The following VPS13C variants were observed in gnomAD, a reference collection of about 807,000 sequenced individuals.
VPS13C encodes the protein intermembrane lipid transfer protein VPS13C.
In VPS13C, 358 loss-of-function variants were observed where a neutral mutation model predicts 456.8. The ratio of observed to expected loss-of-function variants is 0.78; its 90% confidence interval spans 0.72 to 0.86. The LOEUF (loss-of-function observed/expected upper bound fraction) is 0.86, where lower values mean the gene tolerates loss of function less well. Among genes scored for constraint, VPS13C ranks in the 40% least tolerant of loss-of-function variants. The pLI is 0.00. For missense variants in VPS13C, 4,818 were observed against 4,385.4 expected (o/e 1.10, Z -2.79); for synonymous variants, 1,578 against 1,486.7 (o/e 1.06, Z -1.41).
chr15:61,916,715 G>C (rs1252553159), intron 60 of VPS13C, among the ~76,000 whole-genome samples: 1 of 151,832 alleles, frequency 6.6e-6, no homozygotes, highest in East Asian at 1.9e-4. Context: ...CTGCCATACA[G>C]AAATTTTAAA....
intron 77 of VPS13C, 131 bp downstream of exon 77, chr15:61,874,745 T>G: frequency 1.3e-6 from 1 of 744,222 alleles, no homozygotes; most frequent in Non-Finnish European, 2.0e-6. Flanking sequence ...ATGGGAAACA[T>G]GTCTTTTAAA....
chr15:61,931,074 C>G lies in VPS13C; in HGVS notation c.6038+16G>C, dbSNP rs9788670. 6.2e-7 allele frequency: 1 copy of G among 1,612,650 alleles called. No homozygotes were observed. The highest frequency in any genetic ancestry group is 1.3e-5 in the African/African-American group (1 of 74,836). ...TCAACCTTAAATAATGTATTGCAAACTCAGAGCTGACAAACCTCGATGTTG... is the reference window on the plus strand; with the variant it reads ...TCAACCTTAAATAATGTATTGCAAAGTCAGAGCTGACAAACCTCGATGTTG... On this transcript the variant is annotated intron_variant, in intron 50 of 84. Coordinates refer to ENST00000644861, the MANE Select transcript of VPS13C (RefSeq NM_020821.3).
Position 61,929,743 on chromosome 15 carries a change from ATCATTCTG to A in VPS13C, c.6039-3_6043del, listed in dbSNP as rs1460720318. 1 of 1,608,330 alleles carries A rather than the reference ATCATTCTG, an allele frequency of 6.2e-7. No homozygotes were observed. Among genetic ancestry groups the A allele is most frequent in the Non-Finnish European group, 8.5e-7 (1 of 1,176,210 alleles). Reference sequence around the variant, plus strand: ...GTTATCTTGGTCATTCTTTCTGTCAATCATTCTGAAAAAAAACATGCTATTCATTATTT... The same window carrying A: ...GTTATCTTGGTCATTCTTTCTGTCAAAAAAAAAACATGCTATTCATTATTT... On this transcript the variant is annotated splice_acceptor_variant and splice_polypyrimidine_tract_variant and coding_sequence_variant and intron_variant, in exon 51 of 85. Coordinates refer to ENST00000644861, the MANE Select transcript of VPS13C (RefSeq NM_020821.3). LOFTEE classifies it high-confidence loss of function.
chr15:62,030,594 C>G (rs538810193), intron 5 of VPS13C, among the ~76,000 whole-genome samples: 1 of 152,222 alleles, frequency 6.6e-6, no homozygotes, highest in East Asian at 1.9e-4. Flanking sequence ...ACACACACAT[C>G]ATGTGACCTG....
chr15:61,942,907 A>G (rs1338640578), intron 45 of VPS13C, among the ~76,000 whole-genome samples: 1 of 152,144 alleles, frequency 6.6e-6, no homozygotes, highest in Non-Finnish European at 1.5e-5. Flanking sequence ...CTGACATACA[A>G]CTTTGGTAAA....
intron 3 of VPS13C, among the ~76,000 whole-genome samples, chr15:62,036,090 TAA>T (rs1313120045): frequency 6.6e-6 from 1 of 152,018 alleles, no homozygotes; most frequent in Non-Finnish European, 1.5e-5. Flanking sequence ...TTCCTACACA[TAA>T]AGTTTTACAT....
In VPS13C at chr15:61,908,975, A is replaced by G; in HGVS notation, c.8978+17T>C. ...GAACCAATAAAAGTATTTCCCATTA[A>G]CCCTTTTTTCTCATACCTCTGTTTG... On this transcript the variant is annotated intron_variant, in intron 65 of 84. Coordinates refer to ENST00000644861, the MANE Select transcript of VPS13C (RefSeq NM_020821.3). The G allele has an allele frequency of 6.2e-7, 1 of 1,611,252 alleles. No homozygotes were observed. Among genetic ancestry groups the G allele is most frequent in the South Asian group, 1.1e-5 (1 of 90,674 alleles).
At position 62,012,140 on chromosome 15, in the gene VPS13C, T is replaced by C. The variant is rs755624438; in HGVS notation, c.850A>G (p.Thr284Ala). Residue 284 changes from threonine (T) to alanine (A), a missense_variant, in exon 12 of 85, where the codon ACA becomes GCA. Coordinates refer to ENST00000644861, the MANE Select transcript of VPS13C (RefSeq NM_020821.3). ...TAATTTGGGGGTATATTTCCACTTGTAAGAATTTCATTTTTCAGCTGATCC... is the reference window on the plus strand; with the variant it reads ...TAATTTGGGGGTATATTTCCACTTGCAAGAATTTCATTTTTCAGCTGATCC... ...ILDQLKNEIL[T>A]SGNIPPNYQY... 3 of 1,549,184 alleles carry C rather than the reference T, an allele frequency of 1.9e-6. No homozygotes were observed. Among genetic ancestry groups the C allele is most frequent in the Non-Finnish European group, 1.8e-6 (2 of 1,125,544 alleles).
In VPS13C at chr15:61,947,225, T is replaced by A; in HGVS notation, c.4844A>T (p.Gln1615Leu). The A allele has an allele frequency of 6.2e-7, 1 of 1,605,346 alleles. No homozygotes were observed. The highest frequency in any genetic ancestry group is 8.5e-7 in the Non-Finnish European group (1 of 1,177,124). ...LNAFNVFVCD[Q>L]KCNIADIKIH... ...TTTAATATCTGCAATGTTACACTTC[T>A]GATCACAGACAAAGACATTAAATGC... The change falls in exon 43 of 85, where the codon CAG becomes CTG. Residue 1615 changes from glutamine to leucine, a missense_variant. Physicochemically the swap from Gln to Leu is moderately radical, Grantham distance 113. Transcript: ENST00000644861.
chr15:61,917,216 T>C, intron 60 of VPS13C, 125 bp downstream of exon 60: 1 of 1,002,798 alleles, frequency 1.0e-6, no homozygotes, highest in South Asian at 1.8e-5. Flanking sequence ...TCATTAACAT[T>C]ATGAAGGCAT....
rs1019532577 is a variant in VPS13C at position 62,023,772 on chromosome 15, T to C, written c.514+8A>G. The C allele has an allele frequency of 7.5e-6, 12 of 1,608,248 alleles. No homozygotes were observed. Among genetic ancestry groups the C allele is most frequent in the African/African-American group, 1.3e-5 (1 of 74,634 alleles). Reference sequence around the variant, plus strand: ...ACAACACCATGGCATAAAACTACTTTTACCTACCTTTTGAACGATCAAGAC... The same window carrying C: ...ACAACACCATGGCATAAAACTACTTCTACCTACCTTTTGAACGATCAAGAC... On this transcript the variant is annotated splice_region_variant and intron_variant, in intron 7 of 84. Transcript: ENST00000644861.
At chr15:62,011,956 A>G in intron 12 of VPS13C, 151 bp downstream of exon 12, 1 of 505,776 alleles carries the variant, frequency 2.0e-6, no homozygotes, top group Non-Finnish European at 3.6e-6. Flanking sequence ...CCTAAATAAT[A>G]AGTTATAACC....
chr15:61,972,627 C>A lies in VPS13C; in HGVS notation c.2755G>T (p.Glu919Ter). 1 of 1,612,422 alleles carries A rather than the reference C, an allele frequency of 6.2e-7. No homozygotes were observed. The highest frequency in any genetic ancestry group is 2.2e-5 in the East Asian group (1 of 44,814). ...INLLLKFEIK[E>*]VILEFTKQQK... Reference sequence around the variant, plus strand: ...TTTATAGACAAAAAAGCACATACTTCTTTAATTTCAAACTTGAGTAGAAGA... The same window carrying A: ...TTTATAGACAAAAAAGCACATACTTATTTAATTTCAAACTTGAGTAGAAGA... The change falls in exon 27 of 85, where the codon GAA (glutamate) becomes TAA (stop). Residue 919 changes from glutamate (E) to a stop codon, truncating the protein, a stop_gained and splice_region_variant. Transcript: ENST00000644861. LOFTEE classifies it high-confidence loss of function.
intron 5 of VPS13C, among the ~76,000 whole-genome samples, chr15:62,030,667 T>A (rs1307933003): frequency 6.6e-6 from 1 of 152,018 alleles, no homozygotes; most frequent in East Asian, 1.9e-4. Context: ...TGGCCAAAAA[T>A]TATGATATAT....
At chr15:61,903,785 A>C (rs530919401) in intron 66 of VPS13C, among the ~76,000 whole-genome samples, 4 of 152,314 alleles carry the variant, frequency 2.6e-5, no homozygotes, top group Non-Finnish European at 5.9e-5. Flanking sequence ...TAGCATAAAA[A>C]CAGACCAATG....
intron 63 of VPS13C, among the ~76,000 whole-genome samples, chr15:61,910,891 A>G (rs924990108): frequency 3.9e-5 from 6 of 152,158 alleles, no homozygotes; most frequent in African/African-American, 1.4e-4. Context: ...AGTAAATTCT[A>G]TTTCTGAATA....
In VPS13C at chr15:61,915,960, G is replaced by A; in HGVS notation, c.8118C>T (p.Ile2706=). The change falls in exon 61 of 85, where the codon ATC becomes ATT. Residue 2706 remains isoleucine (I), a synonymous_variant. Coordinates refer to ENST00000644861, the MANE Select transcript of VPS13C (RefSeq NM_020821.3). The part of the protein sequence containing the change: ...GSTADVLHSR[I]SGEIMELVLV... ...GGACTAATTCCATTATTTCACCACT[G>A]ATTCTCGAATGCAGAACATCAGCAG... The A allele has an allele frequency of 6.2e-7, 1 of 1,613,544 alleles. No homozygotes were observed.
At chr15:61,864,306 T>C in intron 81 of VPS13C, 1 of 841,742 alleles carries the variant, frequency 1.2e-6, no homozygotes, top group Non-Finnish European at 1.4e-6. Context: ...CAAGTATAAG[T>C]AGTAGCACAT....
Position 62,007,457 on chromosome 15 carries a change from C to T in VPS13C, c.1141G>A (p.Val381Ile). 1.9e-6 allele frequency: 3 copies of T among 1,587,640 alleles called. No individual in the cohort carries two copies. The highest frequency in any genetic ancestry group is 2.6e-6 in the Non-Finnish European group (3 of 1,170,292). ...RRWWKYAIDS[V>I]LEVHIRRYTQ... ...TACCTTCTTATATGAACTTCAAGAA[C>T]AGAATCAATTGCATATTTCCACCTG... The change falls in exon 15 of 85, where the codon GTT (valine) becomes ATT (isoleucine). Residue 381 changes from valine (V) to isoleucine (I), a missense_variant. By Grantham distance (29) the Val-to-Ile change is conservative (BLOSUM62 3). Around this residue, in one of 3 missense-constraint regions of VPS13C, gnomAD observed 4,552 missense variants for 4,130.6 expected, o/e 1.10. Coordinates refer to ENST00000644861, the MANE Select transcript of VPS13C (RefSeq NM_020821.3).
Sources: allele counts gnomAD v4.1 joint callset (sites outside exome capture counted in the v4.1 genomes callset), GRCh38; gene constraint gnomAD v4.1.1; regional missense constraint gnomAD v4.1.1; transcripts MANE v1.5; gene names NCBI Gene and HGNC (gene_info 2026-07-23, HGNC 2026-07-21).